MYRFL: variants seen among roughly 807,000 people sequenced by gnomAD.
MYRFL encodes myelin regulatory factor-like protein.
In MYRFL, 88 loss-of-function variants were observed where a neutral mutation model predicts 109.4. That is an observed-to-expected ratio of 0.80 (90% CI 0.68 to 0.96). The LOEUF (loss-of-function observed/expected upper bound fraction) is 0.96. MYRFL is among the 40% of genes least tolerant of loss of function. The probability of loss-of-function intolerance (pLI) is 0.00; values close to 1 mark genes in which losing one functional copy is unlikely to be tolerated. For missense variants in MYRFL, 957 were observed against 954.9 expected (o/e 1.00, Z -0.03); for synonymous variants, 324 against 320.9 (o/e 1.01, Z -0.10).
intron 13 of MYRFL, among the ~76,000 whole-genome samples, chr12:69,918,496 C>T (rs1954816107): frequency 6.6e-6 from 1 of 152,042 alleles, no homozygotes; most frequent in African/African-American, 2.4e-5. Flanking sequence ...CTCTCTGGAA[C>T]CAATACAAGG....
chr12:69,918,023 A>G (rs1454981570), intron 13 of MYRFL, among the ~76,000 whole-genome samples: 2 of 152,158 alleles, frequency 1.3e-5, no homozygotes, highest in East Asian at 1.9e-4. Flanking sequence ...GGTTATGGGT[A>G]TAGGTCACAG....
chr12:69,941,945 T>C (rs1319019504), intron 19 of MYRFL, among the ~76,000 whole-genome samples: 2 of 151,130 alleles, frequency 1.3e-5, no homozygotes, highest in Admixed American at 6.6e-5. Context: ...AAGAAATGGA[T>C]AAATTCCTGG....
intron 1 of MYRFL, among the ~76,000 whole-genome samples, chr12:69,831,246 A>G (rs1374390430): frequency 6.6e-6 from 1 of 152,148 alleles, no homozygotes; most frequent in African/African-American, 2.4e-5. Context: ...GTTTTTGCAA[A>G]TAAACTTTTA....
intron 19 of MYRFL, among the ~76,000 whole-genome samples, chr12:69,951,516 C>T (rs1024234917): frequency 1.3e-5 from 2 of 151,356 alleles, no homozygotes; most frequent in Admixed American, 1.3e-4. Flanking sequence ...CAACCTCCGC[C>T]TCCCAGGTTC....
At chr12:69,866,034 A>G (rs1265870654) in intron 2 of MYRFL, among the ~76,000 whole-genome samples, 1 of 152,176 alleles carries the variant, frequency 6.6e-6, no homozygotes, top group African/African-American at 2.4e-5. Context: ...GAGGTTAAGT[A>G]ACTCTTCATA....
chr12:69,858,222 T>A (rs1475771977), intron 2 of MYRFL, among the ~76,000 whole-genome samples: 1 of 151,950 alleles, frequency 6.6e-6, no homozygotes, highest in Non-Finnish European at 1.5e-5. Context: ...TGTGATATGT[T>A]ATCTTTTGAT....
Position 69,952,820 on chromosome 12 carries a change from C to T in MYRFL, c.2309C>T (p.Ser770Phe), listed in dbSNP as rs1355938268. The change falls in exon 21 of 25, where the codon TCT (serine) becomes TTT (phenylalanine). Residue 770 changes from serine to phenylalanine, a missense_variant. Ser to Phe is a radical substitution (Grantham distance 155, BLOSUM62 -2). Transcript: ENST00000552032. ...ESDWIDTTIS[S>F]IQIMEIQQII... is the part of the protein sequence containing the mutation. ...TCAGGGATTGATACAACCATCAGTTCTATTCAGATTATGGAAATCCAGCAA... is the reference window on the plus strand; with the variant it reads ...TCAGGGATTGATACAACCATCAGTTTTATTCAGATTATGGAAATCCAGCAA... 3.3e-6 allele frequency: 5 copies of T among 1,533,910 alleles called. No individual in the cohort carries two copies. In the East Asian group the frequency reaches 9.8e-5, roughly 30 times the overall value.
At position 69,879,385 on chromosome 12, in the gene MYRFL, C is replaced by T. The variant is rs140452304; in HGVS notation, c.396C>T (p.Asp132=). The T allele has an allele frequency of 8.5e-6, 6 of 702,932 alleles. No individual in the cohort carries two copies. 43.5% of individuals were successfully genotyped at this position (702,932 alleles called of 1,614,324 possible). A position where few individuals can be genotyped will look rare whatever the true frequency, so the allele number is the denominator to read the frequency against. ...CCAGTCATCTTGCCACCCCCCTGGACCAATCCGTGTCCTCCCATCTGGGGA... is the reference window on the plus strand; with the variant it reads ...CCAGTCATCTTGCCACCCCCCTGGATCAATCCGTGTCCTCCCATCTGGGGA... ...SNASHLATPL[D]QSVSSHLGIG... The change falls in exon 4 of 25, where the codon GAC becomes GAT. Residue 132 remains aspartate, a synonymous_variant. Coordinates refer to ENST00000552032, the MANE Select transcript of MYRFL (RefSeq NM_182530.3).
At chr12:69,894,963 A>C (rs1953938874) in intron 8 of MYRFL, among the ~76,000 whole-genome samples, 1 of 152,240 alleles carries the variant, frequency 6.6e-6, no homozygotes, top group African/African-American at 2.4e-5. Flanking sequence ...AAGAGAGGCA[A>C]ATATGTGAAG....
At chr12:69,929,844 A>G (rs950280160) in intron 15 of MYRFL, among the ~76,000 whole-genome samples, 1 of 152,192 alleles carries the variant, frequency 6.6e-6, no homozygotes, top group Non-Finnish European at 1.5e-5. Context: ...TGATAAAGGT[A>G]CTTGCTTCAT....
chr12:69,897,904 T>C (rs1954052092), intron 10 of MYRFL, among the ~76,000 whole-genome samples: 1 of 152,246 alleles, frequency 6.6e-6, no homozygotes, highest in Admixed American at 6.5e-5. Context: ...TGGTCACAGC[T>C]GTGCAGCGGA....
chr12:69,929,084 G>A (rs538027056), intron 15 of MYRFL, among the ~76,000 whole-genome samples: 3 of 152,128 alleles, frequency 2.0e-5, no homozygotes, highest in Non-Finnish European at 4.4e-5. Context: ...CTCAAGAAAC[G>A]TTTATCAAAT....
intron 2 of MYRFL, among the ~76,000 whole-genome samples, chr12:69,877,378 T>C (rs913481497): frequency 1.1e-4 from 16 of 152,140 alleles, no homozygotes; most frequent in Non-Finnish European, 1.6e-4. Flanking sequence ...AGCTCCACCC[T>C]TAGCCCTGAA....
intron 2 of MYRFL, among the ~76,000 whole-genome samples, chr12:69,875,563 G>C (rs956865214): frequency 2.6e-5 from 4 of 152,172 alleles, no homozygotes; most frequent in African/African-American, 9.7e-5. Flanking sequence ...CCTGCCGGTG[G>C]ACTGCTACGG....
intron 1 of MYRFL, among the ~76,000 whole-genome samples, chr12:69,827,366 C>T (rs939339399): frequency 1.3e-5 from 2 of 151,376 alleles, no homozygotes; most frequent in Non-Finnish European, 2.9e-5. Context: ...AACTTCCAAA[C>T]GTGACTAAAT....
chr12:69,918,814 T>C (rs903122611), intron 13 of MYRFL, among the ~76,000 whole-genome samples: 2 of 152,198 alleles, frequency 1.3e-5, no homozygotes, highest in African/African-American at 4.8e-5. Flanking sequence ...GGGACAAGAA[T>C]ATAACTTTTC....
At chr12:69,927,066 TCCCGAGTAGCTGGGATTACA>T (rs1398004321) in intron 14 of MYRFL, among the ~76,000 whole-genome samples, 16 of 147,904 alleles carry the variant, frequency 1.1e-4, no homozygotes, top group Non-Finnish European at 2.2e-4. Context: ...TGCCTCAACC[TCCCGAGTAGCTGGGATTACA>T]GGTGCCCGCC....
intron 1 of MYRFL, among the ~76,000 whole-genome samples, chr12:69,843,009 T>C (rs920793825): frequency 2.6e-5 from 4 of 152,220 alleles, no homozygotes; most frequent in African/African-American, 9.6e-5. Context: ...TAATTAATGA[T>C]TGGTAATATC....
intron 2 of MYRFL, among the ~76,000 whole-genome samples, chr12:69,865,961 C>T (rs1004283787): frequency 6.6e-6 from 1 of 152,072 alleles, no homozygotes; most frequent in Non-Finnish European, 1.5e-5. Flanking sequence ...ATATCTCGTT[C>T]TCTTAACTCT....
Sources: gnomAD v4.1 joint callset for allele counts (sites outside exome capture counted in the v4.1 genomes callset) on GRCh38, gnomAD v4.1.1 for gene constraint, MANE v1.5 for transcripts, NCBI Gene and HGNC (gene_info 2026-07-23, HGNC 2026-07-21) for gene names.